SLIT3: variants seen among roughly 807,000 people sequenced by gnomAD.
SLIT3 encodes the protein slit homolog 3 protein.
SLIT3 carries 68 observed loss-of-function variants against 184.0 expected under a neutral mutation model. That is an observed-to-expected ratio of 0.37 (90% CI 0.30 to 0.45). SLIT3 has a LOEUF of 0.45. Among genes scored for constraint, SLIT3 ranks in the 20% least tolerant of loss-of-function variants. The pLI is 1.00. For missense variants in SLIT3, 1,707 were observed against 2,026.0 expected (o/e 0.84, Z 3.02); for synonymous variants, 831 against 828.6 (o/e 1.00, Z -0.05).
At chr5:169,295,669 A>G (rs1767480002) in intron 1 of SLIT3, among the ~76,000 whole-genome samples, 2 of 152,228 alleles carry the variant, frequency 1.3e-5, no homozygotes, top group Non-Finnish European at 2.9e-5. Context: ...CATAGCCCAC[A>G]TTGCCAAGGC....
chr5:169,156,672 C>A (rs1762317331), intron 4 of SLIT3, among the ~76,000 whole-genome samples: 1 of 152,212 alleles, frequency 6.6e-6, no homozygotes, highest in African/African-American at 2.4e-5. Flanking sequence ...ATGGTGCAAA[C>A]CACCAGGTGG....
intron 3 of SLIT3, among the ~76,000 whole-genome samples, chr5:169,203,357 A>ACG (rs1029710913): frequency 9.4e-6 from 1 of 105,984 alleles, no homozygotes; most frequent in Non-Finnish European, 1.8e-5. Context: ...ATGTGCACAC[A>ACG]CACACACACA....
At chr5:168,950,579 TA>T (rs1762618703) in intron 4 of SLIT3, among the ~76,000 whole-genome samples, 1 of 152,242 alleles carries the variant, frequency 6.6e-6, no homozygotes. Context: ...TCTGTTTCGA[TA>T]AAACTTTATT....
At chr5:169,195,651 C>T (rs1314291649) in intron 3 of SLIT3, among the ~76,000 whole-genome samples, 1 of 152,126 alleles carries the variant, frequency 6.6e-6, no homozygotes, top group Non-Finnish European at 1.5e-5. Flanking sequence ...CTCCGCCTAC[C>T]GAGTAGCTGA....
At chr5:169,152,840 G>C (rs1762164455) in intron 4 of SLIT3, among the ~76,000 whole-genome samples, 1 of 152,076 alleles carries the variant, frequency 6.6e-6, no homozygotes, top group Admixed American at 6.5e-5. Flanking sequence ...ACCTACCCCG[G>C]TATGTCACAT....
At chr5:168,956,864 G>A (rs537542892) in intron 4 of SLIT3, among the ~76,000 whole-genome samples, 1 of 151,780 alleles carries the variant, frequency 6.6e-6, no homozygotes, top group South Asian at 2.1e-4. Flanking sequence ...CAAGATCAAG[G>A]CCTAATTTTA....
In SLIT3 at chr5:168,830,318, T is replaced by A. The variant is rs954922224; in HGVS notation, c.558-6987A>T. On this transcript the variant is annotated intron_variant, in intron 6 of 35. Coordinates refer to ENST00000519560, the MANE Select transcript of SLIT3 (RefSeq NM_003062.4). ...CATTTTTAAGTGAAACTCCCTTTAC[T>A]GTTTCCCTCATCTCCAGGTTGAACT... 2.0e-5 allele frequency among the ~76,000 whole-genome samples: 3 copies of A among 152,298 alleles called. No homozygotes were observed. The East Asian group carries it at 5.8e-4, about 29-fold the overall frequency.
chr5:169,242,642 C>T (rs142302348), intron 3 of SLIT3, among the ~76,000 whole-genome samples: 168 of 152,240 alleles, frequency 1.1e-3, no homozygotes, highest in African/African-American at 3.5e-3. Flanking sequence ...AGGAGAGAGG[C>T]CTTATCAGGA....
chr5:169,263,253 G>T (rs1766260458), intron 1 of SLIT3, among the ~76,000 whole-genome samples: 1 of 152,162 alleles, frequency 6.6e-6, no homozygotes, highest in South Asian at 2.1e-4. Flanking sequence ...GAGGTGGCAG[G>T]ATTGTTTAAG....
At chr5:168,698,173 G>T (rs1227463438) in intron 27 of SLIT3, among the ~76,000 whole-genome samples, 1 of 152,224 alleles carries the variant, frequency 6.6e-6, no homozygotes, top group Non-Finnish European at 1.5e-5. Context: ...TGTGTATGAA[G>T]AGGCTGGTGA....
chr5:168,949,842 TCAGCCTCC>T (rs1319917402), intron 4 of SLIT3, among the ~76,000 whole-genome samples: 2 of 152,188 alleles, frequency 1.3e-5, no homozygotes, highest in Non-Finnish European at 2.9e-5. Flanking sequence ...TCCACCCACC[TCAGCCTCC>T]CAAAGTGCTG....
intron 18 of SLIT3, among the ~76,000 whole-genome samples, chr5:168,750,683 G>A (rs989940075): frequency 6.6e-6 from 1 of 152,082 alleles, no homozygotes; most frequent in Non-Finnish European, 1.5e-5. Flanking sequence ...GACTAAAATG[G>A]ACCAGTTCAC....
Position 169,254,044 on chromosome 5 carries a change from C to T in SLIT3, c.198-2585G>A, listed in dbSNP as rs147513335. On this transcript the variant is annotated intron_variant, in intron 1 of 35. Transcript: ENST00000519560. ...CCAAACACACATACTGCCAGGAAGG[C>T]CAGGGAGCACGTGGGCTTTGAGGTG... Among the ~76,000 whole-genome samples the T allele has an allele frequency of 4.2e-3, 643 of 152,310 alleles. 6 individuals are homozygous for T. Among genetic ancestry groups the T allele is most frequent in the African/African-American group, 0.015 (604 of 41,572 alleles).
At chr5:169,066,054 C>T (rs1419285401) in intron 4 of SLIT3, among the ~76,000 whole-genome samples, 2 of 152,200 alleles carry the variant, frequency 1.3e-5, no homozygotes, top group Non-Finnish European at 2.9e-5. Context: ...CTGGCCCAAG[C>T]TCACAAAGCT....
At chr5:168,989,495 G>T (rs1320578861) in intron 4 of SLIT3, among the ~76,000 whole-genome samples, 1 of 152,182 alleles carries the variant, frequency 6.6e-6, no homozygotes, top group Non-Finnish European at 1.5e-5. Flanking sequence ...AGGAGAGCCC[G>T]AGCAGAGGGA....
chr5:168,910,061 C>A lies in SLIT3; in HGVS notation c.414-26725G>T, dbSNP rs115480216. ...TCCAAAGCTGAAAGCAGCACATCATCAAATGATTGTGGGCAGGACCAAACC... is the reference window on the plus strand; with the variant it reads ...TCCAAAGCTGAAAGCAGCACATCATAAAATGATTGTGGGCAGGACCAAACC... On this transcript the variant is annotated intron_variant, in intron 4 of 35. Coordinates refer to ENST00000519560, the MANE Select transcript of SLIT3 (RefSeq NM_003062.4). Among the ~76,000 whole-genome samples, 606 of 152,350 alleles carry A rather than the reference C, an allele frequency of 4.0e-3. 5 individuals are homozygous for A. Among genetic ancestry groups the A allele is most frequent in the African/African-American group, 0.014 (578 of 41,570 alleles).
At chr5:169,135,914 G>T (rs1403055101) in intron 4 of SLIT3, among the ~76,000 whole-genome samples, 3 of 152,164 alleles carry the variant, frequency 2.0e-5, no homozygotes, top group African/African-American at 7.2e-5. Context: ...GTACACAGAA[G>T]AAAGTGTCAC....
rs375058485 is a variant in SLIT3 at position 168,967,311 on chromosome 5, T to C, written c.414-83975A>G. On this transcript the variant is annotated intron_variant, in intron 4 of 35. Transcript: ENST00000519560. ...GTGATTATTTCTAGGTGAACAATCA[T>C]GAGTTTAAATTATTTTTCTTTTTTG... Among the ~76,000 whole-genome samples the C allele has an allele frequency of 8.1e-4, 123 of 152,044 alleles. 4 individuals carry two copies. In the South Asian group the frequency reaches 0.024, roughly 30 times the overall value.
intron 1 of SLIT3, among the ~76,000 whole-genome samples, chr5:169,252,861 T>C (rs776525500): frequency 9.2e-5 from 14 of 152,212 alleles, no homozygotes; most frequent in Admixed American, 5.9e-4. Flanking sequence ...TTTATATATA[T>C]ATAAAAAATT....
Sources: allele counts gnomAD v4.1 joint callset (sites outside exome capture counted in the v4.1 genomes callset), GRCh38; gene constraint gnomAD v4.1.1; transcripts MANE v1.5; gene names NCBI Gene and HGNC (gene_info 2026-07-23, HGNC 2026-07-21).